RIMS1: variants seen among roughly 807,000 people sequenced by gnomAD.
RIMS1 encodes the protein regulating synaptic membrane exocytosis protein 1.
A neutral mutation model predicts 214.1 loss-of-function variants in RIMS1; 83 were observed. The ratio of observed to expected loss-of-function variants is 0.39; its 90% confidence interval spans 0.32 to 0.47. The LOEUF (loss-of-function observed/expected upper bound fraction) is 0.47, where lower values mean the gene tolerates loss of function less well. Ranked by LOEUF, RIMS1 falls within the 20% of genes least tolerant of loss-of-function variation. The pLI, the probability that RIMS1 is intolerant of heterozygous loss-of-function variation, is 0.99. For missense variants in RIMS1, 2,050 were observed against 2,161.8 expected (o/e 0.95, Z 1.03); for synonymous variants, 793 against 786.8 (o/e 1.01, Z -0.13).
At chr6:72,094,922 C>T (rs1358988514) in intron 2 of RIMS1, among the ~76,000 whole-genome samples, 1 of 150,942 alleles carries the variant, frequency 6.6e-6, no homozygotes, top group African/African-American at 2.4e-5. Context: ...TATTTCCTTG[C>T]TCTTATTACT....
intron 24 of RIMS1, among the ~76,000 whole-genome samples, chr6:72,289,242 G>C (rs2092931558): frequency 6.6e-6 from 1 of 152,130 alleles, no homozygotes; most frequent in African/African-American, 2.4e-5. Flanking sequence ...CGTTTAGAAA[G>C]AGTATCTTGA....
chr6:72,223,836 T>C (rs969589588), intron 6 of RIMS1, among the ~76,000 whole-genome samples: 1 of 151,172 alleles, frequency 6.6e-6, no homozygotes, highest in African/African-American at 2.4e-5. Flanking sequence ...TAGTCCCAGT[T>C]ACTCGGGAGG....
intron 23 of RIMS1, among the ~76,000 whole-genome samples, chr6:72,282,624 A>G (rs1252364906): frequency 6.6e-6 from 1 of 152,104 alleles, no homozygotes; most frequent in Non-Finnish European, 1.5e-5. Flanking sequence ...ATAAACTTAG[A>G]TTTTAATCCT....
chr6:72,130,582 G>A (rs2040281535), intron 4 of RIMS1, among the ~76,000 whole-genome samples: 2 of 152,086 alleles, frequency 1.3e-5, no homozygotes, highest in African/African-American at 4.8e-5. Flanking sequence ...TATTATGGTA[G>A]CAGCAAGATG....
intron 2 of RIMS1, among the ~76,000 whole-genome samples, chr6:72,067,001 A>G (rs2152280526): frequency 6.6e-6 from 1 of 152,082 alleles, no homozygotes; most frequent in Middle Eastern, 3.4e-3. Context: ...CCTTGCTATC[A>G]CCCTAGACCA....
chr6:71,969,060 C>T lies in RIMS1; in HGVS notation c.242C>T (p.Ser81Leu). 3.1e-6 allele frequency: 5 copies of T among 1,613,934 alleles called. No homozygotes were observed. The highest frequency in any genetic ancestry group is 4.2e-6 in the Non-Finnish European group (5 of 1,179,802). Residue 81 changes from serine to leucine, a missense_variant, in exon 2 of 34, where the codon TCA becomes TTA. Ser to Leu is a moderately radical substitution (Grantham distance 145, BLOSUM62 -2). Coordinates refer to ENST00000521978, the MANE Select transcript of RIMS1 (RefSeq NM_014989.7). The part of the protein sequence containing the change: ...RNAENQPHQP[S>L]PRLHQQFESY... The stretch of plus-strand genomic sequence containing the variant: ...GCTGAAAACCAGCCCCACCAACCTT[C>T]ACCGTGAGTATGGCATTGGTTTTAT...
At chr6:72,204,320 G>A (rs1012410792) in intron 6 of RIMS1, among the ~76,000 whole-genome samples, 1 of 152,172 alleles carries the variant, frequency 6.6e-6, no homozygotes, top group Non-Finnish European at 1.5e-5. Flanking sequence ...CAGTCGGTGC[G>A]GTGGTGAAAC....
chr6:72,361,735 A>T (rs1016191297), intron 29 of RIMS1, among the ~76,000 whole-genome samples: 1 of 152,114 alleles, frequency 6.6e-6, no homozygotes, highest in Non-Finnish European at 1.5e-5. Context: ...GGCTTCTTTT[A>T]TCATCAAAGC....
At chr6:71,909,435 T>C (rs1434578083) in intron 1 of RIMS1, among the ~76,000 whole-genome samples, 3 of 151,258 alleles carry the variant, frequency 2.0e-5, no homozygotes, top group Non-Finnish European at 4.4e-5. Flanking sequence ...AAGAGTTGAC[T>C]CTCTGAATTC....
chr6:72,310,344 TG>T (rs1478945657), intron 27 of RIMS1, among the ~76,000 whole-genome samples: 3 of 152,092 alleles, frequency 2.0e-5, no homozygotes, highest in Non-Finnish European at 2.9e-5. Context: ...GGACTAACTT[TG>T]CTTTTGAAAA....
intron 6 of RIMS1, among the ~76,000 whole-genome samples, chr6:72,189,320 T>C (rs974055756): frequency 3.3e-5 from 5 of 152,138 alleles, no homozygotes; most frequent in Admixed American, 6.5e-5. Flanking sequence ...TTCAGGATGA[T>C]GGGGAACATG....
chr6:71,986,318 T>C (rs1713376577), intron 2 of RIMS1, among the ~76,000 whole-genome samples: 1 of 151,966 alleles, frequency 6.6e-6, no homozygotes, highest in Admixed American at 6.6e-5. Context: ...GTTTTAATAA[T>C]ATGCATACCA....
intron 1 of RIMS1, among the ~76,000 whole-genome samples, chr6:71,944,762 C>T (rs545430239): frequency 3.1e-4 from 47 of 151,980 alleles, no homozygotes; most frequent in African/African-American, 1.0e-3. Flanking sequence ...AGATGTCGGC[C>T]GAAGAGTACT....
chr6:72,388,544 T>A (rs930762973), intron 29 of RIMS1, among the ~76,000 whole-genome samples: 1 of 152,174 alleles, frequency 6.6e-6, no homozygotes, highest in East Asian at 1.9e-4. Flanking sequence ...TCACCATGGC[T>A]GTTATGTCAA....
rs114010252 is a variant in RIMS1, at chr6:72,136,321, C to T, written c.471+36335C>T. On this transcript the variant is annotated intron_variant, in intron 4 of 33. Coordinates refer to ENST00000521978, the MANE Select transcript of RIMS1 (RefSeq NM_014989.7). ...AGGAAAATATTCCCAAATTGTTAAGCATGATTGTTGAAAAAATACTTACAC... is the reference window on the plus strand; with the variant it reads ...AGGAAAATATTCCCAAATTGTTAAGTATGATTGTTGAAAAAATACTTACAC... 5.5e-3 allele frequency among the ~76,000 whole-genome samples: 839 copies of T among 151,282 alleles called. 5 individuals are homozygous for T. The highest frequency in any genetic ancestry group is 0.021 in the Middle Eastern group (6 of 292).
chr6:71,936,326 CAAAAAAAAAAA>C (rs4034728), intron 1 of RIMS1, among the ~76,000 whole-genome samples: 8 of 68,702 alleles, frequency 1.2e-4, no homozygotes, highest in South Asian at 1.5e-3. Flanking sequence ...GACTCCGTCT[CAAAAAAAAAAA>C]AAAAAAAAAA....
chr6:71,936,326 CAAAAAAAAAAAAAAAA>C (rs4034728), intron 1 of RIMS1, among the ~76,000 whole-genome samples: 2 of 68,700 alleles, frequency 2.9e-5, no homozygotes, highest in Non-Finnish European at 5.2e-5. Context: ...GACTCCGTCT[CAAAAAAAAAAAAAAAA>C]AAAAAAAAAA....
intron 23 of RIMS1, among the ~76,000 whole-genome samples, chr6:72,275,003 T>A (rs1416656366): frequency 6.6e-6 from 1 of 151,038 alleles, no homozygotes; most frequent in East Asian, 1.9e-4. Flanking sequence ...TTTTTAAAAA[T>A]AGCATCAGTG....
intron 1 of RIMS1, among the ~76,000 whole-genome samples, chr6:71,888,452 A>T (rs1197866094): frequency 6.6e-6 from 1 of 152,078 alleles, no homozygotes; most frequent in Non-Finnish European, 1.5e-5. Context: ...CAGGGGTGAA[A>T]CCCAGACACA....
Sources: allele counts gnomAD v4.1 joint callset (sites outside exome capture counted in the v4.1 genomes callset), GRCh38; gene constraint gnomAD v4.1.1; transcripts MANE v1.5; gene names NCBI Gene and HGNC (gene_info 2026-07-23, HGNC 2026-07-21).